Variants in SLC36A1 observed in about 807,000 individuals in gnomAD.
SLC36A1 encodes solute carrier family 36 member 1, also known as proton-coupled amino acid transporter 1.
Under a neutral mutation model 47.5 loss-of-function variants are expected in SLC36A1, and 30 were observed. The ratio of observed to expected loss-of-function variants is 0.63; its 90% CI spans 0.47 to 0.86. The LOEUF is 0.86. SLC36A1 is among the 40% of genes least tolerant of loss of function. The probability of loss-of-function intolerance (pLI) is 0.00; values close to 1 mark genes in which losing one functional copy is unlikely to be tolerated. For synonymous variants in SLC36A1, 255 were observed against 249.7 expected (o/e 1.02, Z -0.20); for missense variants, 517 against 606.0 (o/e 0.85, Z 1.54).
chr5:151,458,356 T>TATATATATATATATATACACAC (rs796511045), intron 1 of SLC36A1, among the ~76,000 whole-genome samples: 19 of 129,748 alleles, frequency 1.5e-4, no homozygotes, highest in African/African-American at 6.3e-4. Context: ...TATATATATA[T>TATATATATATATATATACACAC]ACACACACGA....
chr5:151,468,750 G>GT lies in SLC36A1; in HGVS notation c.723+827dup, dbSNP rs370204457. Among the ~76,000 whole-genome samples the GT allele has an allele frequency of 1.6e-3, 240 of 152,090 alleles. 1 individual carries two copies. The highest frequency in any genetic ancestry group is 5.1e-3 in the African/African-American group (212 of 41,466). ...GGTTTAGACTTTTTTCAATTAGATG[G>GT]TTAATTCATGATCATTGTATACAGT... On this transcript the variant is annotated intron_variant, in intron 7 of 10. Coordinates refer to ENST00000243389, the MANE Select transcript of SLC36A1 (RefSeq NM_078483.4).
At chr5:151,523,148 A>G in the SLC36A1 span, among the ~76,000 whole-genome samples, 2 of 152,182 alleles carry the variant, frequency 1.3e-5, no homozygotes, top group African/African-American at 2.4e-5. Flanking sequence ...AAGAAAGTTG[A>G]TAAGATTACA....
At chr5:151,392,270 C>A in the SLC36A1 span, among the ~76,000 whole-genome samples, 5 of 151,988 alleles carry the variant, frequency 3.3e-5, no homozygotes, top group African/African-American at 1.2e-4. Context: ...TTTTTTATTG[C>A]ATCTATTTGC....
chr5:151,364,619 T>C, the SLC36A1 span, among the ~76,000 whole-genome samples: 1 of 152,206 alleles, frequency 6.6e-6, no homozygotes, highest in Non-Finnish European at 1.5e-5. Flanking sequence ...CAACTAATCC[T>C]AAAAGGAGTA....
intron 1 of SLC36A1, among the ~76,000 whole-genome samples, chr5:151,450,598 G>A (rs888461165): frequency 6.6e-6 from 1 of 152,214 alleles, no homozygotes. Flanking sequence ...GGCATGTAGA[G>A]TGGATGGAGC....
the SLC36A1 span, chr5:151,381,948 T>A: frequency 2.1e-6 from 1 of 469,094 alleles, no homozygotes. Context: ...CTGCTCTGTC[T>A]AGGCAGTCAG....
the SLC36A1 span, among the ~76,000 whole-genome samples, chr5:151,422,647 G>T: frequency 6.6e-6 from 1 of 152,270 alleles, no homozygotes; most frequent in East Asian, 1.9e-4. Context: ...AGGATTGCTT[G>T]AGTCCAGGAG....
the SLC36A1 span, among the ~76,000 whole-genome samples, chr5:151,506,377 A>C: frequency 2.0e-5 from 3 of 152,168 alleles, no homozygotes; most frequent in African/African-American, 7.2e-5. Context: ...TCTCCATGCA[A>C]CCCACCCCCA....
chr5:151,548,331 T>C, the SLC36A1 span, among the ~76,000 whole-genome samples: 94 of 151,852 alleles, frequency 6.2e-4, no homozygotes, highest in African/African-American at 2.1e-3. Context: ...TCATTAATTA[T>C]GTATTATAAT....
chr5:151,473,845 G>T, intron 8 of SLC36A1, 74 bp downstream of exon 8: 1 of 1,171,634 alleles, frequency 8.5e-7, no homozygotes, highest in Non-Finnish European at 1.3e-6. Flanking sequence ...TTCAAGGAAT[G>T]CTGAGGAAAC....
chr5:151,520,495 TAC>T, the SLC36A1 span, among the ~76,000 whole-genome samples: 6 of 152,342 alleles, frequency 3.9e-5, no homozygotes, highest in African/African-American at 1.4e-4. Context: ...AGGTGACATC[TAC>T]ACAGAGTGTG....
the SLC36A1 span, among the ~76,000 whole-genome samples, chr5:151,361,168 T>G: frequency 6.6e-6 from 1 of 152,232 alleles, no homozygotes; most frequent in Admixed American, 6.5e-5. Flanking sequence ...TGATATTCTA[T>G]CAGCACTCTC....
the SLC36A1 span, among the ~76,000 whole-genome samples, chr5:151,501,918 C>T: frequency 6.7e-6 from 1 of 148,394 alleles, no homozygotes; most frequent in Non-Finnish European, 1.5e-5. Flanking sequence ...TAGATGATAA[C>T]ATAGGAGAAA....
rs144467857 is a variant in SLC36A1, at chr5:151,449,117, G to T, written c.-6+1304G>T. Among the ~76,000 whole-genome samples the T allele has an allele frequency of 4.8e-3, 735 of 152,144 alleles. 4 individuals are homozygous for T. The highest frequency in any genetic ancestry group is 7.1e-3 in the Non-Finnish European group (485 of 67,990). ...GCTGTGTACACTGAGTATCAGCCTT[G>T]CAACAAGACTTAATCTAATTGTGTA... On this transcript the variant is annotated intron_variant, in intron 1 of 10. Transcript: ENST00000243389.
At chr5:151,397,502 G>T in the SLC36A1 span, among the ~76,000 whole-genome samples, 1 of 152,160 alleles carries the variant, frequency 6.6e-6, no homozygotes, top group Non-Finnish European at 1.5e-5. Flanking sequence ...AGAATGTCAA[G>T]TGGGTAGGGC....
At chr5:151,421,584 T>G in the SLC36A1 span, among the ~76,000 whole-genome samples, 143 of 149,334 alleles carry the variant, frequency 9.6e-4, 1 homozygote, top group Non-Finnish European at 1.4e-3. Flanking sequence ...TTCTTTCTTT[T>G]TTTTTTTTTG....
chr5:151,380,945 G>C, the SLC36A1 span: 49 of 396,336 alleles, frequency 1.2e-4, no homozygotes, highest in African/African-American at 8.4e-4. Flanking sequence ...TTTGCTGTTA[G>C]CTAATTTGGT....
chr5:151,553,485 A>C, the SLC36A1 span: 2 of 1,032,056 alleles, frequency 1.9e-6, no homozygotes, highest in Non-Finnish European at 2.9e-6. Flanking sequence ...GATTCTGACC[A>C]AGCAGGCCTC....
At chr5:151,383,817 C>T in the SLC36A1 span, among the ~76,000 whole-genome samples, 1 of 152,122 alleles carries the variant, frequency 6.6e-6, no homozygotes, top group African/African-American at 2.4e-5. Context: ...AGGTGATCTG[C>T]CCGCCTCGGC....
Sources: gnomAD v4.1 joint callset for allele counts (sites outside exome capture counted in the v4.1 genomes callset) on GRCh38, gnomAD v4.1.1 for gene constraint, MANE v1.5 for transcripts, NCBI Gene and HGNC (gene_info 2026-07-23, HGNC 2026-07-21) for gene names.